The following RUNX2 variants were observed in gnomAD, a reference collection of about 807,000 sequenced individuals.
RUNX2 encodes RUNX family transcription factor 2, also known as runt-related transcription factor 2.
RUNX2 carries 10 observed loss-of-function variants against 51.7 expected under a neutral mutation model. The observed-to-expected ratio is 0.19, with a 90% CI of 0.12 to 0.33. RUNX2 has a LOEUF of 0.33. Ranked by LOEUF, RUNX2 falls within the 10% of genes least tolerant of loss-of-function variation. The pLI, the probability that RUNX2 is intolerant of heterozygous loss-of-function variation, is 1.00. For missense variants in RUNX2, 562 were observed against 691.3 expected, an observed-to-expected ratio of 0.81 and a Z score of 2.10; for synonymous variants, 276 against 273.6, an observed-to-expected ratio of 1.01 and a Z score of -0.09.
At chr6:45,431,781 C>A in intron 3 of RUNX2, 82 bp from the exon 4 acceptor site, 1 of 1,470,742 alleles carries the variant, frequency 6.8e-7, no homozygotes, top group Non-Finnish European at 9.5e-7. Context: ...TGATAAGACA[C>A]ATCATTTGCA....
At chr6:45,463,932 G>A (rs1008650122) in intron 5 of RUNX2, among the ~76,000 whole-genome samples, 1 of 152,186 alleles carries the variant, frequency 6.6e-6, no homozygotes, top group African/African-American at 2.4e-5. Context: ...GGTGGCTCAC[G>A]CCTGTAATCC....
At chr6:45,365,635 C>T (rs911110125) in intron 2 of RUNX2, among the ~76,000 whole-genome samples, 17 of 148,348 alleles carry the variant, frequency 1.1e-4, no homozygotes, top group Admixed American at 6.9e-4. Flanking sequence ...GGGAGCCCTA[C>T]GGTTCATCAG....
chr6:45,483,929 G>A (rs1800190567), intron 5 of RUNX2, among the ~76,000 whole-genome samples: 1 of 152,202 alleles, frequency 6.6e-6, no homozygotes, highest in Admixed American at 6.5e-5. Flanking sequence ...CGCATATTGC[G>A]ACCATATTTT....
At chr6:45,414,112 A>C (rs1798011303) in intron 2 of RUNX2, among the ~76,000 whole-genome samples, 1 of 152,230 alleles carries the variant, frequency 6.6e-6, no homozygotes, top group East Asian at 1.9e-4. Flanking sequence ...ACTCAAGAGG[A>C]GTGAAGAGTC....
At chr6:45,473,402 GATA>G (rs1799862878) in intron 5 of RUNX2, among the ~76,000 whole-genome samples, 3 of 152,148 alleles carry the variant, frequency 2.0e-5, no homozygotes, top group Admixed American at 2.0e-4. Context: ...ATATCTAACT[GATA>G]ATAAGTTGTT....
At chr6:45,368,002 T>G (rs1795437895) in intron 2 of RUNX2, among the ~76,000 whole-genome samples, 1 of 152,164 alleles carries the variant, frequency 6.6e-6, no homozygotes, top group Admixed American at 6.6e-5. Context: ...GTCCTATCAT[T>G]CCAATGCTCT....
intron 2 of RUNX2, among the ~76,000 whole-genome samples, chr6:45,347,470 C>T (rs1305608896): frequency 6.6e-6 from 1 of 152,000 alleles, no homozygotes; most frequent in African/African-American, 2.4e-5. Flanking sequence ...AAAGGAATAT[C>T]CATGTATCAT....
intron 5 of RUNX2, among the ~76,000 whole-genome samples, chr6:45,453,633 G>A (rs1401230347): frequency 6.6e-6 from 1 of 152,214 alleles, no homozygotes; most frequent in East Asian, 1.9e-4. Flanking sequence ...TGGACACATG[G>A]CCATGATAAT....
At chr6:45,356,458 C>T (rs778457488) in intron 2 of RUNX2, among the ~76,000 whole-genome samples, 3 of 151,854 alleles carry the variant, frequency 2.0e-5, no homozygotes, top group East Asian at 1.9e-4. Flanking sequence ...AGTGCAGTGG[C>T]GCAATCTCAG....
At chr6:45,512,533 CAACTGGCA>C in intron 7 of RUNX2, 126 bp downstream of exon 7, 3 of 1,001,246 alleles carry the variant, frequency 3.0e-6, no homozygotes, top group Non-Finnish European at 4.6e-6. Context: ...AAGGGAATGA[CAACTGGCA>C]AATTAAATCT....
rs535318609 is a variant in RUNX2 at position 45,427,753 on chromosome 6, C to T, written c.424-4110C>T. On this transcript the variant is annotated intron_variant, in intron 3 of 8. Coordinates refer to ENST00000647337, the MANE Select transcript of RUNX2 (RefSeq NM_001024630.4). The stretch of plus-strand genomic sequence containing the variant: ...GAAATGTCATAGGCAATTTTAATTT[C>T]CATATAAAAAGATGAGAAACTGTTT... Among the ~76,000 whole-genome samples the T allele has an allele frequency of 1.7e-4, 26 of 152,194 alleles. No individual in the cohort carries two copies. In the South Asian group the frequency reaches 3.3e-3, roughly 19 times the overall value.
chr6:45,426,788 A>G lies in RUNX2; in HGVS notation c.423+3831A>G, dbSNP rs1307815249. 2.6e-5 allele frequency among the ~76,000 whole-genome samples: 4 copies of G among 152,334 alleles called. No individual in the cohort carries two copies. The South Asian group carries it at 8.3e-4, about 32-fold the overall frequency. On this transcript the variant is annotated intron_variant, in intron 3 of 8. Transcript: ENST00000647337. ...TGTCAAAAGGAGGGGTTTCAAAATG[A>G]CAGAGCAATTTCTGTTTGAAAATAA...
At chr6:45,334,881 T>A (rs185919175) in intron 2 of RUNX2, among the ~76,000 whole-genome samples, 1 of 151,388 alleles carries the variant, frequency 6.6e-6, no homozygotes, top group East Asian at 1.9e-4. Flanking sequence ...GGATTAGGCA[T>A]CTACTAGGAA....
chr6:45,528,449 C>T (rs763488668), intron 7 of RUNX2, among the ~76,000 whole-genome samples: 39 of 152,002 alleles, frequency 2.6e-4, no homozygotes, highest in South Asian at 6.2e-4. Context: ...AGTGAAACAC[C>T]GTCTCTACTA....
chr6:45,461,717 G>A (rs1351641743), intron 5 of RUNX2, among the ~76,000 whole-genome samples: 1 of 151,966 alleles, frequency 6.6e-6, no homozygotes, highest in Non-Finnish European at 1.5e-5. Flanking sequence ...GAAATGTGTG[G>A]GAGGAAGCCA....
intron 5 of RUNX2, among the ~76,000 whole-genome samples, chr6:45,479,789 C>G (rs1729145195): frequency 6.6e-6 from 1 of 152,068 alleles, no homozygotes; most frequent in Non-Finnish European, 1.5e-5. Flanking sequence ...TAATATTAAC[C>G]CACACCAACC....
intron 5 of RUNX2, among the ~76,000 whole-genome samples, chr6:45,487,843 G>C (rs929300090): frequency 5.3e-5 from 8 of 152,144 alleles, no homozygotes; most frequent in Non-Finnish European, 5.9e-5. Context: ...TCTTACAGGA[G>C]AGACAAAAAT....
chr6:45,445,021 C>CTTATT lies in RUNX2; in HGVS notation c.685+6987_685+6991dup, dbSNP rs534468167. ...TTTGCTTATTTACCAAAAGAGGATG[C>CTTATT]TTATTTTATTTTATTTTATTTCAGA... On this transcript the variant is annotated intron_variant, in intron 5 of 8. Transcript: ENST00000647337. Among the ~76,000 whole-genome samples the CTTATT allele has an allele frequency of 5.1e-4, 78 of 152,218 alleles. 1 individual carries two copies. The East Asian group carries it at 0.012, about 24-fold the overall frequency.
At chr6:45,331,104 G>GGT (rs143223149) in intron 2 of RUNX2, among the ~76,000 whole-genome samples, 41,190 of 149,452 alleles carry the variant, frequency 0.28, 5,833 homozygotes, top group Admixed American at 0.38. Flanking sequence ...TACAATGAGT[G>GGT]GTGTGTGTGT....
Sources: gnomAD v4.1 joint callset for allele counts (sites outside exome capture counted in the v4.1 genomes callset) on GRCh38, gnomAD v4.1.1 for gene constraint, MANE v1.5 for transcripts, NCBI Gene and HGNC (gene_info 2026-07-23, HGNC 2026-07-21) for gene names.